GFOD1: variants seen among roughly 807,000 people sequenced by gnomAD.
The protein encoded by GFOD1 is Gfo/Idh/MocA-like oxidoreductase domain containing 1, also known as glucose-fructose oxidoreductase domain-containing protein 1.
In GFOD1, 9 loss-of-function variants were observed where a neutral mutation model predicts 25.4. The observed-to-expected ratio is 0.35, with a 90% CI of 0.21 to 0.62. The LOEUF (loss-of-function observed/expected upper bound fraction) is 0.62. Ranked by LOEUF, GFOD1 falls within the 20% of genes least tolerant of loss-of-function variation. The pLI is 0.72. For synonymous variants in GFOD1, 253 were observed against 245.6 expected (o/e 1.03, Z -0.28); for missense variants, 403 against 556.9 (o/e 0.72, Z 2.78).
intron 1 of GFOD1, among the ~76,000 whole-genome samples, chr6:13,455,493 A>G (rs1758172781): frequency 6.6e-6 from 1 of 152,174 alleles, no homozygotes; most frequent in Non-Finnish European, 1.5e-5. Flanking sequence ...TCTAAAGAGA[A>G]AATCCTATGA....
intron 1 of GFOD1, among the ~76,000 whole-genome samples, chr6:13,389,570 A>G (rs574206587): frequency 1.5e-4 from 23 of 151,944 alleles, no homozygotes; most frequent in Middle Eastern, 3.2e-3. Context: ...CAATGAGAAC[A>G]CATGGACACA....
chr6:13,447,274 C>T (rs1026091522), intron 1 of GFOD1, among the ~76,000 whole-genome samples: 7 of 152,264 alleles, frequency 4.6e-5, no homozygotes, highest in Admixed American at 2.0e-4. Flanking sequence ...TGCTGGCAAT[C>T]GTTGGCATTC....
chr6:13,454,287 A>G (rs1758149942), intron 1 of GFOD1, among the ~76,000 whole-genome samples: 1 of 152,150 alleles, frequency 6.6e-6, no homozygotes, highest in Non-Finnish European at 1.5e-5. Context: ...AAAAAAATTA[A>G]TTTCTGTTGT....
intron 1 of GFOD1, among the ~76,000 whole-genome samples, chr6:13,390,768 AGAGAGAGAGAGAAAGG>A (rs1174424514): frequency 1.0e-5 from 1 of 100,190 alleles, no homozygotes; most frequent in Non-Finnish European, 2.0e-5. Context: ...AGAAAGAGAG[AGAGAGAGAGAGAAAGG>A]AAGGAAGGAA....
rs1018222306 is a variant in GFOD1, at chr6:13,457,878, T to C, written c.253+28760A>G. On this transcript the variant is annotated intron_variant, in intron 1 of 1. Coordinates refer to ENST00000379287, the MANE Select transcript of GFOD1 (RefSeq NM_018988.4). ...GCCTGCAGCTGAAATCAAGAAGCAT[T>C]TTCTATCCAGCCAACAGCACAGGTC... Among the ~76,000 whole-genome samples the C allele has an allele frequency of 1.4e-4, 21 of 152,296 alleles. No individual in the cohort carries two copies. The East Asian group carries it at 4.1e-3, about 29-fold the overall frequency.
chr6:13,486,190 G>A, intron 1 of GFOD1: 1 of 993,908 alleles, frequency 1.0e-6, no homozygotes, highest in Non-Finnish European at 1.2e-6. Flanking sequence ...AGGCGTTTCT[G>A]GGCGCGCACT....
chr6:13,365,869 A>C lies in GFOD1; in HGVS notation c.254-207T>G, dbSNP rs1238820079. 6.9e-6 allele frequency among the ~76,000 whole-genome samples: 1 copy of C among 145,352 alleles called. No individual in the cohort carries two copies. Among genetic ancestry groups the C allele is most frequent in the East Asian group, 2.1e-4 (1 of 4,864 alleles). ...AGGCCAGCCTGGGTAACACAGAGAG[A>C]TCCTGTCTCAATAATAATAATAATA... On this transcript the variant is annotated intron_variant, in intron 1 of 1. Transcript: ENST00000379287. This position sits in a 1 kb window ranked among gnomAD's most constrained non-coding sequence, Gnocchi z 9.2.
chr6:13,437,266 C>T (rs1409398791), intron 1 of GFOD1, among the ~76,000 whole-genome samples: 1 of 152,154 alleles, frequency 6.6e-6, no homozygotes, highest in Non-Finnish European at 1.5e-5. Context: ...CACCAAGCCT[C>T]GCTGAAGATT....
chr6:13,435,855 T>C (rs754706007), intron 1 of GFOD1, among the ~76,000 whole-genome samples: 2 of 152,218 alleles, frequency 1.3e-5, no homozygotes, highest in African/African-American at 4.8e-5. Context: ...ATTATAAATA[T>C]AGGAATGGAA....
chr6:13,452,285 G>A (rs1288315164), intron 1 of GFOD1, among the ~76,000 whole-genome samples: 1 of 152,148 alleles, frequency 6.6e-6, no homozygotes, highest in African/African-American at 2.4e-5. Context: ...GCATTGCATC[G>A]ATATTAAAAA....
chr6:13,470,127 A>C lies in GFOD1; in HGVS notation c.253+16511T>G, dbSNP rs1478122125. On this transcript the variant is annotated intron_variant, in intron 1 of 1. Transcript: ENST00000379287. ...AAACCGATAAATACTGCAGTTGGAAAATCCTGTTGGTGAATGTAGCCAGTG... is the reference window on the plus strand; with the variant it reads ...AAACCGATAAATACTGCAGTTGGAACATCCTGTTGGTGAATGTAGCCAGTG... 14 of 1,480,796 alleles carry C rather than the reference A, an allele frequency of 9.5e-6. No homozygotes were observed. The South Asian group carries it at 1.5e-4, about 15-fold the overall frequency. 91.7% of individuals were successfully genotyped at this position (1,480,796 alleles called of 1,614,324 possible).
At chr6:13,386,189 ATTACT>A (rs1785470731) in intron 1 of GFOD1, among the ~76,000 whole-genome samples, 1 of 115,026 alleles carries the variant, frequency 8.7e-6, no homozygotes, top group South Asian at 3.2e-4. Flanking sequence ...CGCTTCCCAA[ATTACT>A]TTATTTTTTT....
At chr6:13,455,935 A>C (rs999540119) in intron 1 of GFOD1, among the ~76,000 whole-genome samples, 1 of 152,160 alleles carries the variant, frequency 6.6e-6, no homozygotes, top group Non-Finnish European at 1.5e-5. Flanking sequence ...CTAGAGGCAT[A>C]CCTCTGTCTT....
chr6:13,375,511 C>T (rs773957187), intron 1 of GFOD1, among the ~76,000 whole-genome samples: 4 of 152,154 alleles, frequency 2.6e-5, no homozygotes, highest in Non-Finnish European at 4.4e-5. Flanking sequence ...ACACCTGAAA[C>T]GGAAATGGGT....
At chr6:13,401,963 T>G (rs1050599738) in intron 1 of GFOD1, among the ~76,000 whole-genome samples, 1 of 152,220 alleles carries the variant, frequency 6.6e-6, no homozygotes, top group South Asian at 2.1e-4. Flanking sequence ...GTAATCATGA[T>G]GGTGTACTAC....
chr6:13,481,554 AC>A (rs1758751446), intron 1 of GFOD1, among the ~76,000 whole-genome samples: 1 of 113,936 alleles, frequency 8.8e-6, no homozygotes, highest in Non-Finnish European at 1.8e-5. Context: ...GGAGAGTGAT[AC>A]CTTACACACA....
At chr6:13,386,357 C>T (rs1785475997) in intron 1 of GFOD1, among the ~76,000 whole-genome samples, 1 of 152,170 alleles carries the variant, frequency 6.6e-6, no homozygotes, top group African/African-American at 2.4e-5. Flanking sequence ...CACCTGTGCA[C>T]TAGATACACA....
intron 1 of GFOD1, among the ~76,000 whole-genome samples, chr6:13,450,866 C>T (rs1327245671): frequency 6.6e-6 from 1 of 152,212 alleles, no homozygotes; most frequent in East Asian, 1.9e-4. Context: ...TGCCAGACAC[C>T]AGCCAAGGGT....
chr6:13,368,451 GATCCC>G (rs1466094417), intron 1 of GFOD1, among the ~76,000 whole-genome samples: 5 of 152,150 alleles, frequency 3.3e-5, no homozygotes, highest in Non-Finnish European at 7.4e-5. Flanking sequence ...CTGACAATAT[GATCCC>G]GTAGGCATAA....
Sources: allele counts gnomAD v4.1 joint callset (sites outside exome capture counted in the v4.1 genomes callset), GRCh38; gene constraint gnomAD v4.1.1; non-coding constraint Gnocchi (gnomAD v3.1); transcripts MANE v1.5; gene names NCBI Gene and HGNC (gene_info 2026-07-23, HGNC 2026-07-21).